Variants in IRAK1BP1 observed in about 807,000 individuals in gnomAD.
The protein encoded by IRAK1BP1 is interleukin-1 receptor-associated kinase 1-binding protein 1.
Under a neutral mutation model 28.0 loss-of-function variants are expected in IRAK1BP1, and 24 were observed. The observed-to-expected ratio is 0.86, with a 90% confidence interval of 0.62 to 1.20. The LOEUF (loss-of-function observed/expected upper bound fraction) is 1.20. IRAK1BP1 is among the 50% of genes most tolerant of loss of function. The probability of loss-of-function intolerance (pLI) is 0.00; values close to 1 mark genes in which losing one functional copy is unlikely to be tolerated. For missense variants in IRAK1BP1, 336 were observed against 316.7 expected (o/e 1.06, Z -0.46); for synonymous variants, 131 against 116.3 (o/e 1.13, Z -0.81).
chr6:78,978,796 T>A, the IRAK1BP1 span: 6 of 1,092,018 alleles, frequency 5.5e-6, no homozygotes, highest in African/African-American at 9.5e-5. Flanking sequence ...ACTATAAAGA[T>A]AATTAAATAA....
intron 4 of IRAK1BP1, among the ~76,000 whole-genome samples, chr6:78,929,982 G>A (rs1773000317): frequency 6.6e-6 from 1 of 152,034 alleles, no homozygotes; most frequent in African/African-American, 2.4e-5. Context: ...TGTCACTCAG[G>A]CTGGAGTGCA....
the IRAK1BP1 span, chr6:78,956,646 C>A: frequency 2.6e-5 from 4 of 152,146 alleles, no homozygotes; most frequent in South Asian, 4.1e-4. Flanking sequence ...TTTATATTAC[C>A]CTTAATTAAA....
chr6:78,878,658 T>C (rs1354746115), intron 1 of IRAK1BP1, among the ~76,000 whole-genome samples: 2 of 152,094 alleles, frequency 1.3e-5, no homozygotes, highest in African/African-American at 4.8e-5. Context: ...CTTTGACAAG[T>C]TGAGAGAAGA....
rs1264540323 is a variant in IRAK1BP1 at position 78,898,271 on chromosome 6, T to A, written c.720T>A (p.Ala240=). 1 of 1,612,128 alleles carries A rather than the reference T, an allele frequency of 6.2e-7. No individual in the cohort carries two copies. Among genetic ancestry groups the A allele is most frequent in the African/African-American group, 1.3e-5 (1 of 74,782 alleles). Residue 240 remains alanine (A), a synonymous_variant, in exon 4 of 4, where the codon GCT becomes GCA. Coordinates refer to ENST00000369940, the MANE Select transcript of IRAK1BP1 (RefSeq NM_001010844.4). ...QQKIKSATIH[A]ASKVFITFEV... The stretch of plus-strand genomic sequence containing the variant: ...AAATCAAAAGTGCAACAATACATGC[T>A]GCTTCAAAAGTATTTATAACTTTTG...
At chr6:78,935,039 T>C (rs1385744874) in intron 4 of IRAK1BP1, among the ~76,000 whole-genome samples, 1 of 152,204 alleles carries the variant, frequency 6.6e-6, no homozygotes, top group Non-Finnish European at 1.5e-5. Flanking sequence ...TCTTTAATCT[T>C]ACTTCCGTTA....
intron 2 of IRAK1BP1, among the ~76,000 whole-genome samples, chr6:78,893,310 GTGTGTA>G (rs1436378498): frequency 7.0e-5 from 5 of 71,126 alleles, no homozygotes; most frequent in Admixed American, 6.4e-4. Flanking sequence ...GTGTGTGTGT[GTGTGTA>G]TATATATATA....
chr6:78,952,279 C>T, the IRAK1BP1 span, among the ~76,000 whole-genome samples: 21 of 151,730 alleles, frequency 1.4e-4, no homozygotes, highest in African/African-American at 4.8e-4. Context: ...ATTAGTTGGG[C>T]GTGGTGGCAT....
chr6:78,877,875 A>G (rs1459359627), intron 1 of IRAK1BP1, among the ~76,000 whole-genome samples: 5 of 152,104 alleles, frequency 3.3e-5, no homozygotes. Flanking sequence ...TCCCACACCC[A>G]CAGAGCCTCT....
the IRAK1BP1 span, chr6:78,969,952 A>AT: frequency 2.4e-4 from 375 of 1,540,868 alleles, 1 homozygote; most frequent in Middle Eastern, 5.5e-3. Flanking sequence ...ATTAGGTCAC[A>AT]TACCTAAAAA....
intron 1 of IRAK1BP1, among the ~76,000 whole-genome samples, chr6:78,882,885 G>T (rs939328313): frequency 1.3e-5 from 2 of 152,204 alleles, no homozygotes; most frequent in Non-Finnish European, 2.9e-5. Flanking sequence ...AAGTCTGAAA[G>T]TGAGGTAGAT....
intron 4 of IRAK1BP1, among the ~76,000 whole-genome samples, chr6:78,922,291 A>T (rs1395871910): frequency 6.6e-6 from 1 of 152,360 alleles, no homozygotes; most frequent in East Asian, 1.9e-4. Context: ...AAGCCTCAGT[A>T]GCTGATTCGA....
intron 1 of IRAK1BP1, among the ~76,000 whole-genome samples, chr6:78,870,717 T>G (rs1770766298): frequency 6.6e-6 from 1 of 152,166 alleles, no homozygotes; most frequent in South Asian, 2.1e-4. Context: ...TTTTGGTTTT[T>G]GTTTTTTTTT....
At chr6:78,957,636 T>G in the IRAK1BP1 span, 1 of 149,600 alleles carries the variant, frequency 6.7e-6, no homozygotes, top group Non-Finnish European at 1.5e-5. Context: ...AAATGAAAGC[T>G]GATAACAGCT....
intron 1 of IRAK1BP1, among the ~76,000 whole-genome samples, chr6:78,875,515 T>G (rs1415361164): frequency 6.6e-6 from 1 of 150,880 alleles, no homozygotes; most frequent in East Asian, 2.0e-4. Context: ...ATAAAGAAAA[T>G]GTGATGCTTA....
intron 1 of IRAK1BP1, among the ~76,000 whole-genome samples, chr6:78,877,941 G>A (rs1308724022): frequency 3.9e-5 from 6 of 151,902 alleles, no homozygotes; most frequent in African/African-American, 1.5e-4. Flanking sequence ...TGAGGGAGGG[G>A]GAGGGGCTCC....
At chr6:78,916,966 T>G (rs781372897) in intron 4 of IRAK1BP1, among the ~76,000 whole-genome samples, 11 of 151,966 alleles carry the variant, frequency 7.2e-5, no homozygotes, top group African/African-American at 1.9e-4. Flanking sequence ...GAAGTTCCAG[T>G]GTCTTCAGAT....
intron 4 of IRAK1BP1, chr6:78,940,738 G>C (rs1301993742): frequency 4.3e-6 from 7 of 1,612,840 alleles, no homozygotes; most frequent in East Asian, 2.2e-5. Context: ...TCAACTTTCG[G>C]ACTCGTCCTC....
chr6:78,875,152 T>C (rs927594961), intron 1 of IRAK1BP1, among the ~76,000 whole-genome samples: 1 of 152,122 alleles, frequency 6.6e-6, no homozygotes, highest in Non-Finnish European at 1.5e-5. Flanking sequence ...CACCAGTCAT[T>C]GGAAAGATGC....
At chr6:78,917,360 C>T (rs1395318082) in intron 4 of IRAK1BP1, among the ~76,000 whole-genome samples, 1 of 151,458 alleles carries the variant, frequency 6.6e-6, no homozygotes, top group Non-Finnish European at 1.5e-5. Context: ...ATTAGCCAGA[C>T]AAAAGTAAAG....
Sources: gnomAD v4.1 joint callset for allele counts (sites outside exome capture counted in the v4.1 genomes callset) on GRCh38, gnomAD v4.1.1 for gene constraint, MANE v1.5 for transcripts, NCBI Gene and HGNC (gene_info 2026-07-23, HGNC 2026-07-21) for gene names.